The following PHF21A variants were observed in gnomAD, a reference collection of about 807,000 sequenced individuals.
The protein encoded by PHF21A is PHD finger protein 21A.
PHF21A carries 11 observed loss-of-function variants against 82.5 expected under a neutral mutation model. The observed-to-expected ratio is 0.13, with a 90% CI of 0.08 to 0.22. The LOEUF is 0.22. Among genes scored for constraint, PHF21A ranks in the 10% least tolerant of loss-of-function variants. PHF21A has a pLI of 1.00. For missense variants in PHF21A, 579 were observed against 837.8 expected, an observed-to-expected ratio of 0.69 and a Z score of 3.81; for synonymous variants, 297 against 302.8, an observed-to-expected ratio of 0.98 and a Z score of 0.20.
At chr11:45,946,223 T>A in intron 14 of PHF21A, 1 of 978,182 alleles carries the variant, frequency 1.0e-6, no homozygotes, top group Non-Finnish European at 1.6e-6. Context: ...GAAGGGAGGA[T>A]AAGAGAGCTC....
intron 6 of PHF21A, among the ~76,000 whole-genome samples, chr11:46,031,073 G>A (rs1006614990): frequency 6.6e-6 from 1 of 152,142 alleles, no homozygotes; most frequent in Non-Finnish European, 1.5e-5. Context: ...AAGCGATCAC[G>A]TAGTAAAAGC....
At chr11:46,119,016 C>T (rs1370688784) in intron 1 of PHF21A, among the ~76,000 whole-genome samples, 6 of 151,950 alleles carry the variant, frequency 3.9e-5, no homozygotes, top group Admixed American at 3.9e-4. Context: ...GGTGAGAACT[C>T]GCTCAAAAAG....
intron 4 of PHF21A, among the ~76,000 whole-genome samples, chr11:46,081,472 G>A (rs759831740): frequency 2.6e-4 from 40 of 152,318 alleles, no homozygotes; most frequent in Admixed American, 5.2e-4. Flanking sequence ...GCTGAAAAAG[G>A]TTTTCTTCCA....
At chr11:46,064,044 G>C (rs962246416) in intron 6 of PHF21A, among the ~76,000 whole-genome samples, 1 of 152,080 alleles carries the variant, frequency 6.6e-6, no homozygotes, top group African/African-American at 2.4e-5. Flanking sequence ...AATTTCACTT[G>C]ATTATTTTCC....
intron 6 of PHF21A, among the ~76,000 whole-genome samples, chr11:46,034,961 C>T (rs1403977619): frequency 6.6e-6 from 1 of 152,196 alleles, no homozygotes; most frequent in Non-Finnish European, 1.5e-5. Context: ...TTCTCTGCCA[C>T]ACAGAGTTAG....
chr11:46,107,594 C>T (rs889836444), intron 1 of PHF21A, among the ~76,000 whole-genome samples: 7 of 152,088 alleles, frequency 4.6e-5, no homozygotes, highest in African/African-American at 1.7e-4. Context: ...GCATAAAGCA[C>T]CTTAGATGCA....
chr11:45,943,945 C>G (rs565620870), intron 15 of PHF21A, among the ~76,000 whole-genome samples: 1 of 152,320 alleles, frequency 6.6e-6, no homozygotes, highest in East Asian at 1.9e-4. Context: ...GAGAGGCATT[C>G]TACAGAAGAA....
In PHF21A at chr11:46,058,885, C is replaced by T. The variant is rs981877412; in HGVS notation, c.153+17869G>A. 1.2e-4 allele frequency among the ~76,000 whole-genome samples: 18 copies of T among 152,078 alleles called. 1 individual carries two copies. The highest frequency in any genetic ancestry group is 3.9e-4 in the African/African-American group (16 of 41,404). On this transcript the variant is annotated intron_variant, in intron 6 of 18. Coordinates refer to ENST00000676320, the MANE Select transcript of PHF21A (RefSeq NM_001352027.3). ...AGGGACCAGAGCCTTTTGCCTGCTA[C>T]GAGTACAGAAGAAGCTGAGAAAGTC...
chr11:46,090,982 T>C (rs1015835986), intron 2 of PHF21A, among the ~76,000 whole-genome samples: 14 of 152,146 alleles, frequency 9.2e-5, no homozygotes, highest in Non-Finnish European at 1.8e-4. Flanking sequence ...TTCCATCCCA[T>C]GTCAAAGTAA....
intron 1 of PHF21A, chr11:46,120,520 T>G (rs1303709392): frequency 1.3e-5 from 2 of 150,896 alleles, no homozygotes; most frequent in South Asian, 2.1e-4. Flanking sequence ...AGGCTGCTCA[T>G]AAACTTACTT....
At chr11:46,023,538 C>CA (rs1425781207) in intron 6 of PHF21A, among the ~76,000 whole-genome samples, 2 of 152,162 alleles carry the variant, frequency 1.3e-5, no homozygotes, top group Non-Finnish European at 2.9e-5. Flanking sequence ...GGTATCCCCT[C>CA]AGATATGAAA....
rs60985678 is a variant in PHF21A at position 46,030,810 on chromosome 11, TGTGTGTGTGC to T, written c.153+45934_153+45943del. On this transcript the variant is annotated intron_variant, in intron 6 of 18. Transcript: ENST00000676320. ...ATCATTTCTTCTAAACCACATAGTG[TGTGTGTGTGC>T]GTGTGTGTGCGTGTGTGTGTGTGTG... 1.3e-3 allele frequency among the ~76,000 whole-genome samples: 177 copies of T among 141,068 alleles called. 1 individual carries two copies. Among genetic ancestry groups the T allele is most frequent in the Middle Eastern group, 6.9e-3 (2 of 290 alleles). The allele number at this position is 141,068 out of a possible 152,430, so 92.5% of individuals were successfully genotyped here.
intron 15 of PHF21A, 46 bp downstream of exon 15, chr11:45,945,794 A>C (rs762727884): frequency 6.7e-7 from 1 of 1,501,848 alleles, no homozygotes; most frequent in Admixed American, 2.3e-5. Context: ...CGCTTTTCCC[A>C]ATTTAAGCTC....
At chr11:45,962,329 G>T (rs2093141026) in intron 10 of PHF21A, among the ~76,000 whole-genome samples, 1 of 152,018 alleles carries the variant, frequency 6.6e-6, no homozygotes, top group Non-Finnish European at 1.5e-5. Flanking sequence ...GTGTGAACAG[G>T]TTCTTCCATG....
In PHF21A at chr11:46,056,767, G is replaced by T. The variant is rs544023073; in HGVS notation, c.153+19987C>A. Among the ~76,000 whole-genome samples the T allele has an allele frequency of 5.3e-5, 8 of 152,120 alleles. 1 individual carries two copies. Among genetic ancestry groups the T allele is most frequent in the African/African-American group, 1.9e-4 (8 of 41,500 alleles). ...GCTGCTTAAAAGACCCTTAGAGAGGGAAACTTTAAGATTAGCTATAGAATC... is the reference window on the plus strand; with the variant it reads ...GCTGCTTAAAAGACCCTTAGAGAGGTAAACTTTAAGATTAGCTATAGAATC... On this transcript the variant is annotated intron_variant, in intron 6 of 18. Transcript: ENST00000676320.
intron 6 of PHF21A, among the ~76,000 whole-genome samples, chr11:46,074,462 A>G (rs2860403): frequency 0.74 from 99,269 of 133,558 alleles, 33,433 homozygotes; most frequent in East Asian, 0.86. Context: ...TTTTGGCGGG[A>G]GGGGGGAAGG....
intron 6 of PHF21A, among the ~76,000 whole-genome samples, chr11:45,982,286 T>C (rs905869466): frequency 6.6e-6 from 1 of 152,136 alleles, no homozygotes; most frequent in African/African-American, 2.4e-5. Flanking sequence ...ATTTTTATTA[T>C]TGATTCTTTT....
At chr11:46,057,374 C>T (rs945749908) in intron 6 of PHF21A, among the ~76,000 whole-genome samples, 5 of 152,098 alleles carry the variant, frequency 3.3e-5, no homozygotes, top group East Asian at 3.8e-4. Flanking sequence ...ACTATTTTCT[C>T]AATTATCAAT....
intron 1 of PHF21A, among the ~76,000 whole-genome samples, chr11:46,103,044 C>T (rs1017676298): frequency 2.6e-5 from 4 of 152,128 alleles, no homozygotes; most frequent in African/African-American, 9.7e-5. Flanking sequence ...GGCGGCATCT[C>T]TACACAGGAG....
Sources: gnomAD v4.1 joint callset for allele counts (sites outside exome capture counted in the v4.1 genomes callset) on GRCh38, gnomAD v4.1.1 for gene constraint, MANE v1.5 for transcripts, NCBI Gene and HGNC (gene_info 2026-07-23, HGNC 2026-07-21) for gene names.